Variants in NAA35 observed in about 807,000 individuals in gnomAD.
The protein encoded by NAA35 is N-alpha-acetyltransferase 35, NatC auxiliary subunit.
NAA35 carries 18 observed loss-of-function variants against 101.7 expected under a neutral mutation model. The ratio of observed to expected loss-of-function variants is 0.18; its 90% CI spans 0.12 to 0.26. The LOEUF (loss-of-function observed/expected upper bound fraction) is 0.26, where lower values mean the gene tolerates loss of function less well. Among genes scored for constraint, NAA35 ranks in the 10% least tolerant of loss-of-function variants. The pLI, the probability that NAA35 is intolerant of heterozygous loss-of-function variation, is 1.00. For synonymous variants in NAA35, 267 were observed against 273.1 expected, an observed-to-expected ratio of 0.98 and a Z score of 0.22; for missense variants, 601 against 886.8, an observed-to-expected ratio of 0.68 and a Z score of 4.09.
chr9:86,012,734 T>C (rs1156894579), intron 15 of NAA35, among the ~76,000 whole-genome samples: 2 of 152,158 alleles, frequency 1.3e-5, no homozygotes, highest in African/African-American at 4.8e-5. Context: ...GCCTTGAACA[T>C]TGGCTTTTGA....
intron 2 of NAA35, among the ~76,000 whole-genome samples, chr9:85,955,863 T>C (rs545543495): frequency 3.8e-4 from 58 of 152,262 alleles, no homozygotes; most frequent in African/African-American, 1.4e-3. Context: ...GACCACTGCT[T>C]TATAGGGATT....
intron 11 of NAA35, among the ~76,000 whole-genome samples, chr9:85,981,066 T>G (rs1830417653): frequency 6.6e-6 from 1 of 152,164 alleles, no homozygotes; most frequent in Non-Finnish European, 1.5e-5. Flanking sequence ...CAGAAGGTAA[T>G]TTGGGTTAGG....
At chr9:85,963,887 G>T (rs12001125) in intron 6 of NAA35, among the ~76,000 whole-genome samples, 3,151 of 152,240 alleles carry the variant, frequency 0.021, 121 homozygotes, top group African/African-American at 0.071. Flanking sequence ...AATGTGTTAA[G>T]TATAAAAAAT....
rs187483619 is a variant in NAA35 at position 85,997,106 on chromosome 9, C to T, written c.1056+529C>T. On this transcript the variant is annotated intron_variant, in intron 12 of 22. Transcript: ENST00000361671. ...AAGCTGGGACCACAGGCGTGTGCCA[C>T]CATGCCCAACAATGTTTTAGTTTAA... 1.6e-3 allele frequency among the ~76,000 whole-genome samples: 247 copies of T among 152,006 alleles called. 1 individual carries two copies. Among genetic ancestry groups the T allele is most frequent in the African/African-American group, 3.8e-3 (157 of 41,446 alleles).
At chr9:85,946,271 A>C (rs2118253450) in intron 2 of NAA35, among the ~76,000 whole-genome samples, 1 of 152,242 alleles carries the variant, frequency 6.6e-6, no homozygotes. Flanking sequence ...CAGCCTCCTG[A>C]GTAGCTGAGA....
chr9:85,983,626 AG>A (rs1260092661), intron 11 of NAA35, among the ~76,000 whole-genome samples: 1 of 152,136 alleles, frequency 6.6e-6, no homozygotes, highest in Admixed American at 6.5e-5. Context: ...AAAGGAAAAA[AG>A]GGGAATATGT....
rs912376290 is a variant in NAA35 at position 86,009,914 on chromosome 9, G to A, written c.1273G>A (p.Val425Ile). The change falls in exon 15 of 23, where the codon GTT (valine) becomes ATT (isoleucine). Residue 425 changes from valine (V) to isoleucine (I), a missense_variant. By Grantham distance (29) the Val-to-Ile change is conservative (BLOSUM62 3). Around this residue, in one of 8 missense-constraint regions of NAA35, gnomAD observed 190 missense variants for 223.1 expected, o/e 0.85. Transcript: ENST00000361671. ...HQAKDCIDSF[V>I]THCVRPFCSL... Reference sequence around the variant, plus strand: ...GGCTAAGGACTGTATCGACTCCTTTGTTACTCACTGTGTTCGGGTAAGAGC... The same window carrying A: ...GGCTAAGGACTGTATCGACTCCTTTATTACTCACTGTGTTCGGGTAAGAGC... 3.7e-6 allele frequency: 6 copies of A among 1,612,876 alleles called. No individual in the cohort carries two copies. In the Admixed American group the frequency reaches 1.0e-4, roughly 27 times the overall value.
At chr9:85,991,839 G>T (rs1389406668) in intron 11 of NAA35, among the ~76,000 whole-genome samples, 1 of 152,146 alleles carries the variant, frequency 6.6e-6, no homozygotes, top group Non-Finnish European at 1.5e-5. Flanking sequence ...GGGTGATCAT[G>T]GATTGTCTGG....
intron 11 of NAA35, among the ~76,000 whole-genome samples, chr9:85,992,247 G>A (rs1184590176): frequency 6.6e-6 from 1 of 151,864 alleles, no homozygotes. Flanking sequence ...AAAAGAACTT[G>A]AAGGGGATCT....
At chr9:85,979,461 C>CA (rs1317591124) in intron 11 of NAA35, among the ~76,000 whole-genome samples, 2 of 152,066 alleles carry the variant, frequency 1.3e-5, no homozygotes, top group African/African-American at 4.8e-5. Context: ...AAAAGCATGC[C>CA]AGGGCAAATA....
intron 15 of NAA35, among the ~76,000 whole-genome samples, chr9:86,012,117 CT>C (rs200710755): frequency 2.1e-4 from 30 of 141,156 alleles, no homozygotes; most frequent in Admixed American, 2.9e-4. Flanking sequence ...TAAACTTTCC[CT>C]TTTTTTTTTG....
At chr9:85,942,361 T>C in intron 2 of NAA35, 78 bp downstream of exon 2, 1 of 1,544,490 alleles carries the variant, frequency 6.5e-7, no homozygotes, top group Non-Finnish European at 8.7e-7. Context: ...ACTTACCTCA[T>C]TAGATGAAAT....
At chr9:86,014,911 T>C (rs1222391476) in intron 17 of NAA35, among the ~76,000 whole-genome samples, 1 of 152,216 alleles carries the variant, frequency 6.6e-6, no homozygotes, top group Non-Finnish European at 1.5e-5. Context: ...TTGTTATTCA[T>C]AGTAGACAAT....
chr9:85,988,204 G>A (rs1353420198), intron 11 of NAA35, among the ~76,000 whole-genome samples: 2 of 152,142 alleles, frequency 1.3e-5, no homozygotes, highest in African/African-American at 4.8e-5. Flanking sequence ...CACTCCTTCA[G>A]TGATATCATA....
At chr9:85,958,293 A>G (rs1001340869) in intron 3 of NAA35, among the ~76,000 whole-genome samples, 179 bp from the exon 4 acceptor site, 1 of 152,220 alleles carries the variant, frequency 6.6e-6, no homozygotes, top group Non-Finnish European at 1.5e-5. Flanking sequence ...TGGCAAGTAC[A>G]TGAAATAATT....
At chr9:85,967,799 CAAA>C (rs201125485) in intron 6 of NAA35, among the ~76,000 whole-genome samples, 1 of 135,176 alleles carries the variant, frequency 7.4e-6, no homozygotes, top group African/African-American at 2.7e-5. Context: ...GAGACTGTCT[CAAA>C]AAAAAAAAAG....
intron 6 of NAA35, among the ~76,000 whole-genome samples, chr9:85,971,228 A>G (rs955002457): frequency 2.0e-5 from 3 of 151,980 alleles, no homozygotes; most frequent in African/African-American, 7.3e-5. Context: ...ATTTACTCCA[A>G]ATGGTCATTC....
At chr9:85,970,985 G>A (rs1425547745) in intron 6 of NAA35, among the ~76,000 whole-genome samples, 1 of 152,188 alleles carries the variant, frequency 6.6e-6, no homozygotes, top group Non-Finnish European at 1.5e-5. Flanking sequence ...TAAGATGAAA[G>A]CATTCCTGTT....
At chr9:85,994,892 A>G (rs1360152505) in intron 11 of NAA35, among the ~76,000 whole-genome samples, 1 of 152,232 alleles carries the variant, frequency 6.6e-6, no homozygotes, top group East Asian at 1.9e-4. Context: ...GAATGTTACC[A>G]GTACAAAGAA....
Sources: allele counts gnomAD v4.1 joint callset (sites outside exome capture counted in the v4.1 genomes callset), GRCh38; gene constraint gnomAD v4.1.1; regional missense constraint gnomAD v4.1.1; transcripts MANE v1.5; gene names NCBI Gene and HGNC (gene_info 2026-07-23, HGNC 2026-07-21).